Variants in ERBB4 observed in about 807,000 individuals in gnomAD.
The protein encoded by ERBB4 is receptor tyrosine-protein kinase erbB-4.
Under a neutral mutation model 158.0 loss-of-function variants are expected in ERBB4, and 42 were observed. The ratio of observed to expected loss-of-function variants is 0.27; its 90% confidence interval spans 0.21 to 0.34. The LOEUF is 0.34. Ranked by LOEUF, ERBB4 falls within the 10% of genes least tolerant of loss-of-function variation. The probability of loss-of-function intolerance (pLI) is 1.00; values close to 1 mark genes in which losing one functional copy is unlikely to be tolerated. For missense variants in ERBB4, 1,333 were observed against 1,624.1 expected, an observed-to-expected ratio of 0.82 and a Z score of 3.08; for synonymous variants, 583 against 558.7, an observed-to-expected ratio of 1.04 and a Z score of -0.61.
rs2125722391 is a variant in ERBB4, at chr2:211,562,066, A to T, written c.2324T>A (p.Met775Lys). Residue 775 changes from methionine (M) to lysine (K), a missense_variant, in exon 20 of 28, where the codon ATG (methionine) becomes AAG (lysine). This residue lies in a region of ERBB4 where 314 missense variants were observed against 437.6 expected (regional missense o/e 0.72). Coordinates refer to ENST00000342788, the MANE Select transcript of ERBB4 (RefSeq NM_005235.3). Reference sequence around the variant, plus strand: ...CAACCGGACTAGGTGTGGATGATCCATACTTGCCATGATCAGAGCTTCCTG... The same window carrying T: ...CAACCGGACTAGGTGTGGATGATCCTTACTTGCCATGATCAGAGCTTCCTG... ...FMDEALIMASMDHPHLVRLLG... is the reference protein window; with the variant it reads ...FMDEALIMASKDHPHLVRLLG... 1 of 1,613,796 alleles carries T rather than the reference A, an allele frequency of 6.2e-7. No homozygotes were observed. The highest frequency in any genetic ancestry group is 8.5e-7 in the Non-Finnish European group (1 of 1,180,016).
intron 2 of ERBB4, among the ~76,000 whole-genome samples, chr2:211,952,733 A>T (rs2080907694): frequency 6.6e-6 from 1 of 152,044 alleles, no homozygotes; most frequent in Non-Finnish European, 1.5e-5. Context: ...AGATACCAAT[A>T]TTTCTATTAT....
chr2:212,102,769 A>G (rs556554304), intron 2 of ERBB4, among the ~76,000 whole-genome samples: 1 of 152,238 alleles, frequency 6.6e-6, no homozygotes, highest in East Asian at 1.9e-4. Context: ...CTCAGTGTCA[A>G]CAGAACCTCT....
intron 19 of ERBB4, among the ~76,000 whole-genome samples, chr2:211,575,415 T>C (rs1032412778): frequency 7.2e-5 from 11 of 152,188 alleles, no homozygotes; most frequent in African/African-American, 2.7e-4. Context: ...TTATTCTCAG[T>C]TGTGAATGGG....
intron 15 of ERBB4, among the ~76,000 whole-genome samples, chr2:211,664,701 G>GAA (rs11412281): frequency 1.3e-5 from 2 of 151,674 alleles, no homozygotes; most frequent in Admixed American, 6.6e-5. Context: ...TTGAAAAAGA[G>GAA]AAAAAAAATT....
chr2:212,347,303 T>A (rs1172695924), intron 1 of ERBB4, among the ~76,000 whole-genome samples: 1 of 151,088 alleles, frequency 6.6e-6, no homozygotes, highest in African/African-American at 2.4e-5. Flanking sequence ...GAAGTGTCCA[T>A]GTTTTCTAAG....
chr2:211,876,899 A>C (rs2078517800), intron 3 of ERBB4, among the ~76,000 whole-genome samples: 1 of 152,204 alleles, frequency 6.6e-6, no homozygotes, highest in Admixed American at 6.5e-5. Context: ...TAAATGAAAA[A>C]ATTAACAAAG....
chr2:211,723,757 C>T (rs1234316957), intron 6 of ERBB4, among the ~76,000 whole-genome samples: 1 of 152,134 alleles, frequency 6.6e-6, no homozygotes. Context: ...ATGCTGTACA[C>T]AGATTGCTCA....
intron 3 of ERBB4, among the ~76,000 whole-genome samples, chr2:211,846,006 T>C (rs2077578517): frequency 6.6e-6 from 1 of 151,368 alleles, no homozygotes; most frequent in Non-Finnish European, 1.5e-5. Context: ...TTCCAACAAA[T>C]AAGCATAACT....
chr2:211,564,358 T>G (rs1250868042), intron 19 of ERBB4, among the ~76,000 whole-genome samples: 1 of 152,178 alleles, frequency 6.6e-6, no homozygotes, highest in Non-Finnish European at 1.5e-5. Context: ...ACACATCTCC[T>G]TCTTCCCTTT....
At chr2:211,616,199 T>G (rs1199932954) in intron 19 of ERBB4, among the ~76,000 whole-genome samples, 1 of 152,080 alleles carries the variant, frequency 6.6e-6, no homozygotes, top group Non-Finnish European at 1.5e-5. Context: ...CACCCTCAGC[T>G]CCCTTAACCC....
At chr2:211,645,621 A>C (rs576545689) in intron 16 of ERBB4, among the ~76,000 whole-genome samples, 2 of 151,824 alleles carry the variant, frequency 1.3e-5, no homozygotes, top group African/African-American at 4.8e-5. Flanking sequence ...CTATAAACTC[A>C]TTAGAAGAAA....
chr2:211,806,186 G>T (rs1271665050), intron 3 of ERBB4, among the ~76,000 whole-genome samples: 2 of 152,026 alleles, frequency 1.3e-5, no homozygotes, highest in African/African-American at 4.8e-5. Context: ...TAAAAAAAAT[G>T]TAAAATCCTA....
chr2:211,665,565 TCA>T (rs1462889063), intron 14 of ERBB4, 88 bp from the exon 15 acceptor site: 21 of 1,265,822 alleles, frequency 1.7e-5, no homozygotes, highest in Non-Finnish European at 2.3e-5. Context: ...TACTGAGACT[TCA>T]GTAGGTGGCA....
chr2:212,511,955 T>C (rs1691545361), intron 1 of ERBB4, among the ~76,000 whole-genome samples: 1 of 152,164 alleles, frequency 6.6e-6, no homozygotes, highest in South Asian at 2.1e-4. Context: ...TTAGCTAAAA[T>C]GGGTAGTGCT....
chr2:211,919,022 T>C (rs1259462856), intron 3 of ERBB4, among the ~76,000 whole-genome samples: 1 of 152,066 alleles, frequency 6.6e-6, no homozygotes, highest in African/African-American at 2.4e-5. Flanking sequence ...CTGGACACCG[T>C]TATTATCCTT....
intron 5 of ERBB4, among the ~76,000 whole-genome samples, chr2:211,730,510 C>G (rs2074394782): frequency 6.6e-6 from 1 of 151,950 alleles, no homozygotes; most frequent in Non-Finnish European, 1.5e-5. Flanking sequence ...TTTTGATTAT[C>G]TTCATTTCCT....
At chr2:211,493,552 T>G in intron 20 of ERBB4, among the ~76,000 whole-genome samples, 1 of 150,630 alleles carries the variant, frequency 6.6e-6, no homozygotes, top group East Asian at 1.9e-4. Flanking sequence ...TAACCAAACT[T>G]AAAATACAAA....
At position 212,044,367 on chromosome 2, in the gene ERBB4, A is replaced by C. The variant is rs192805502; in HGVS notation, c.234+80385T>G. The stretch of plus-strand genomic sequence containing the variant: ...TACAAGTTTATTTTATTCTATATAA[A>C]AAAACCAAAATCCTCTTTCAATGCC... On this transcript the variant is annotated intron_variant, in intron 2 of 27. Transcript: ENST00000342788. 3.9e-5 allele frequency among the ~76,000 whole-genome samples: 6 copies of C among 152,312 alleles called. 2 individuals are homozygous for C. Among genetic ancestry groups the C allele is most frequent in the Admixed American group, 3.9e-4 (6 of 15,280 alleles).
intron 23 of ERBB4, among the ~76,000 whole-genome samples, chr2:211,423,090 T>C (rs559404870): frequency 6.6e-6 from 1 of 152,022 alleles, no homozygotes; most frequent in South Asian, 2.1e-4. Flanking sequence ...TATGCATTCA[T>C]TTGAAAAAAT....
Sources: gnomAD v4.1 joint callset for allele counts (sites outside exome capture counted in the v4.1 genomes callset) on GRCh38, gnomAD v4.1.1 for gene constraint, gnomAD v4.1.1 regional missense constraint, MANE v1.5 for transcripts, NCBI Gene and HGNC (gene_info 2026-07-23, HGNC 2026-07-21) for gene names.